FLYWCH1: variants seen among roughly 807,000 people sequenced by gnomAD.
The protein encoded by FLYWCH1 is FLYWCH-type zinc finger-containing protein 1.
In FLYWCH1, 75 loss-of-function variants were observed where a neutral mutation model predicts 66.4. That is an observed-to-expected ratio of 1.13 (90% confidence interval 0.94 to 1.37). The LOEUF (loss-of-function observed/expected upper bound fraction) is 1.37. Ranked by LOEUF, FLYWCH1 falls within the 40% of genes most tolerant of loss-of-function variation. The probability of loss-of-function intolerance (pLI) is 0.00; values close to 1 mark genes in which losing one functional copy is unlikely to be tolerated. For synonymous variants in FLYWCH1, 595 were observed against 429.9 expected, an observed-to-expected ratio of 1.38 and a Z score of -4.75; for missense variants, 1,334 against 1,001.8, an observed-to-expected ratio of 1.33 and a Z score of -4.48.
chr16:2,920,571 A>G (rs2070334567), intron 2 of FLYWCH1, among the ~76,000 whole-genome samples: 1 of 149,562 alleles, frequency 6.7e-6, no homozygotes, highest in South Asian at 2.1e-4. Context: ...CATTCTGACC[A>G]TTGTTTGTTT....
rs952083801 is a variant in FLYWCH1, at chr16:2,938,454, C to G, written c.2048C>G (p.Pro683Arg). The change falls in exon 8 of 10, where the codon CCA (proline) becomes CGA (arginine). Residue 683 changes from proline to arginine, a missense_variant and splice_region_variant. Pro to Arg is a moderately radical substitution (Grantham distance 103). Transcript: ENST00000253928. ...CCCACCACGGCCCAGCAGGAGGACC[C>G]AGGTACAGGCAGGCTGTGGGGCAGA... ...RLPTTAQQED[P>R]EKIQVQLCFK... 2 of 1,519,686 alleles carry G rather than the reference C, an allele frequency of 1.3e-6. No homozygotes were observed. Among genetic ancestry groups the G allele is most frequent in the African/African-American group, 2.8e-5 (2 of 71,738 alleles). The allele number at this position is 1,519,686 out of a possible 1,614,324, so 94.1% of individuals were successfully genotyped here.
At position 2,938,383 on chromosome 16, in the gene FLYWCH1, G is replaced by T; in HGVS notation, c.1977G>T (p.Gln659His). The change falls in exon 8 of 10, where the codon CAG becomes CAT. Residue 659 changes from glutamine (Q) to histidine (H), a missense_variant. Transcript: ENST00000253928. ...TGGTCATGCGCAGCCACTGCCATCA[G>T]CCTGACCTGGCAGGCCTGGAGGCCT... ...RIMVMRSHCH[Q>H]PDLAGLEALR... 1.9e-6 allele frequency: 3 copies of T among 1,570,830 alleles called. No homozygotes were observed. Among genetic ancestry groups the T allele is most frequent in the Non-Finnish European group, 2.6e-6 (3 of 1,156,982 alleles).
At chr16:2,915,009 T>C (rs1871954220) in intron 2 of FLYWCH1, among the ~76,000 whole-genome samples, 1 of 149,628 alleles carries the variant, frequency 6.7e-6, no homozygotes, top group South Asian at 2.1e-4. Context: ...AATGGGTATC[T>C]ACTGTAAAAA....
intron 2 of FLYWCH1, chr16:2,922,643 C>T: frequency 7.1e-6 from 3 of 423,116 alleles, no homozygotes; most frequent in Admixed American, 5.5e-5. Flanking sequence ...TTAGAATTAG[C>T]CAGCCGGACT....
At position 2,937,253 on chromosome 16, in the gene FLYWCH1, G is replaced by A. The variant is rs775989563; in HGVS notation, c.1646G>A (p.Arg549His). Residue 549 changes from arginine (R) to histidine (H), a missense_variant, in exon 7 of 10, where the codon CGC (arginine) becomes CAC (histidine). By Grantham distance (29) the Arg-to-His change is conservative. Coordinates refer to ENST00000253928, the MANE Select transcript of FLYWCH1 (RefSeq NM_001308068.2). ...CGGGACCAGGCCCGCATGGGCTGCC[G>A]CAGCCGCGCCATCACCCAGGGCCGG... Reference protein sequence around the residue: ...TCRDQARMGCRSRAITQGRRV... With the variant: ...TCRDQARMGCHSRAITQGRRV... 1.0e-4 allele frequency: 160 copies of A among 1,606,108 alleles called. No individual in the cohort carries two copies. Among genetic ancestry groups the A allele is most frequent in the African/African-American group, 7.6e-4 (57 of 74,912 alleles).
intron 3 of FLYWCH1, 26 bp downstream of exon 3, chr16:2,930,036 C>T: frequency 6.3e-7 from 1 of 1,581,044 alleles, no homozygotes; most frequent in East Asian, 2.3e-5. Context: ...CCGCCCCTGC[C>T]CAGCCACCCC....
intron 2 of FLYWCH1, chr16:2,922,540 C>T (rs1034117189): frequency 7.2e-6 from 2 of 275,892 alleles, no homozygotes; most frequent in African/African-American, 4.6e-5. Flanking sequence ...GCCCTGGGGA[C>T]CTCATACAAG....
intron 2 of FLYWCH1, among the ~76,000 whole-genome samples, chr16:2,914,947 G>A (rs2100076232): frequency 7.0e-6 from 1 of 143,854 alleles, no homozygotes; most frequent in South Asian, 2.2e-4. Context: ...ACTGAATGAA[G>A]ATTGAACATT....
chr16:2,940,647 G>A (rs1167114385), intron 9 of FLYWCH1, among the ~76,000 whole-genome samples: 1 of 152,144 alleles, frequency 6.6e-6, no homozygotes, highest in African/African-American at 2.4e-5. Context: ...TGGTGGCCAG[G>A]CTGAGTCTCA....
chr16:2,928,416 G>A lies in FLYWCH1; in HGVS notation c.-73-1197G>A, dbSNP rs367982915. On this transcript the variant is annotated intron_variant, in intron 2 of 9. Coordinates refer to ENST00000253928, the MANE Select transcript of FLYWCH1 (RefSeq NM_001308068.2). ...GGACAATACCTAGGCTTTCTTGGGC[G>A]GAGCTCCCTGTGGCTTTCCACAGTG... Among the ~76,000 whole-genome samples the A allele has an allele frequency of 1.4e-4, 22 of 152,312 alleles. No homozygotes were observed. The East Asian group carries it at 1.7e-3, about 12-fold the overall frequency.
Position 2,933,459 on chromosome 16 carries a change from A to G in FLYWCH1, c.1126A>G (p.Arg376Gly), listed in dbSNP as rs966917849. 8 of 1,602,278 alleles carry G rather than the reference A, an allele frequency of 5.0e-6. No individual in the cohort carries two copies. The African/African-American group carries it at 6.7e-5, about 13-fold the overall frequency. The change falls in exon 5 of 10, where the codon AGG (arginine) becomes GGG (glycine). Residue 376 changes from arginine to glycine, a missense_variant. Transcript: ENST00000253928. ...LRGVDSLLYR[R>G]GPGPLTLTRP... Reference sequence around the variant, plus strand: ...AGGCGTGGATAGTTTGCTCTACCGCAGGGGTCCGGGTCCCCTGACTCTCAC... The same window carrying G: ...AGGCGTGGATAGTTTGCTCTACCGCGGGGGTCCGGGTCCCCTGACTCTCAC...
intron 2 of FLYWCH1, among the ~76,000 whole-genome samples, chr16:2,914,888 G>C (rs1343592611): frequency 7.2e-6 from 1 of 138,812 alleles, no homozygotes; most frequent in African/African-American, 2.7e-5. Context: ...CAGCCTGGGC[G>C]ACAGAGTGAG....
At position 2,929,940 on chromosome 16, in the gene FLYWCH1, TGAG is replaced by T. The variant is rs762831104; in HGVS notation, c.259_261del (p.Glu87del). 45 of 1,613,414 alleles carry T rather than the reference TGAG, an allele frequency of 2.8e-5. No individual in the cohort carries two copies. In the African/African-American group the frequency reaches 3.3e-4, roughly 12 times the overall value. ...CCAGCACCTTGCAGATCCTGCCAGT[TGAG>T]GAGCAGGGAGGGGTGGTCCAGCCAG... On this transcript the variant is annotated inframe_deletion, in exon 3 of 10. Transcript: ENST00000253928.
At chr16:2,941,990 C>CT in intron 9 of FLYWCH1, among the ~76,000 whole-genome samples, 2 of 59,886 alleles carry the variant, frequency 3.3e-5, no homozygotes, top group East Asian at 5.7e-4. Context: ...GAGCAAGACT[C>CT]ATCTCAAAAA....
At chr16:2,933,655 G>T in intron 5 of FLYWCH1, 61 bp from the exon 6 acceptor site, 1 of 1,565,922 alleles carries the variant, frequency 6.4e-7, no homozygotes, top group South Asian at 1.2e-5. Context: ...GAGGGAAGGG[G>T]GTGCGATCAG....
At chr16:2,929,489 C>T in intron 2 of FLYWCH1, 124 bp from the exon 3 acceptor site, 4 of 682,804 alleles carry the variant, frequency 5.9e-6, no homozygotes, top group Non-Finnish European at 9.6e-6. Flanking sequence ...TCCATCAGGC[C>T]CCCGGCCAGT....
Position 2,933,833 on chromosome 16 carries a change from C to A in FLYWCH1, c.1367C>A (p.Ala456Asp). ...GTGTATTGGACCTGCCGGGACCAGGCCCGCATGGGCTGCCGCAGCCGCGCC... is the reference window on the plus strand; with the variant it reads ...GTGTATTGGACCTGCCGGGACCAGGACCGCATGGGCTGCCGCAGCCGCGCC... ...EKVYWTCRDQ[A>D]RMGCRSRAIT... The change falls in exon 6 of 10, where the codon GCC becomes GAC. Residue 456 changes from alanine (A) to aspartate (D), a missense_variant. Transcript: ENST00000253928. 6.2e-7 allele frequency: 1 copy of A among 1,608,788 alleles called. No homozygotes were observed. Among genetic ancestry groups the A allele is most frequent in the Non-Finnish European group, 8.5e-7 (1 of 1,178,128 alleles).
chr16:2,936,680 G>A (rs1297336485), intron 6 of FLYWCH1: 1 of 462,274 alleles, frequency 2.2e-6, no homozygotes, highest in Non-Finnish European at 4.3e-6. Flanking sequence ...CAGAGTCCTG[G>A]GGTCACACCT....
chr16:2,936,900 G>A (rs1157515168), intron 6 of FLYWCH1: 1 of 671,270 alleles, frequency 1.5e-6, no homozygotes. Flanking sequence ...GCCGCCACCT[G>A]CAGGGGCCTC....
Sources: allele counts gnomAD v4.1 joint callset (sites outside exome capture counted in the v4.1 genomes callset), GRCh38; gene constraint gnomAD v4.1.1; transcripts MANE v1.5; gene names NCBI Gene and HGNC (gene_info 2026-07-23, HGNC 2026-07-21).